Variants in PCDHA11 observed in about 807,000 individuals in gnomAD.
PCDHA11 encodes the protein protocadherin alpha 11.
In PCDHA11, 61 loss-of-function variants were observed where a neutral mutation model predicts 70.3. The ratio of observed to expected loss-of-function variants is 0.87; its 90% CI spans 0.71 to 1.07. The LOEUF is 1.07. Ranked by LOEUF, PCDHA11 falls within the 50% of genes least tolerant of loss-of-function variation. PCDHA11 has a pLI of 0.00. For missense variants in PCDHA11, 1,324 were observed against 1,237.5 expected, an observed-to-expected ratio of 1.07 and a Z score of -1.05; for synonymous variants, 633 against 555.1, an observed-to-expected ratio of 1.14 and a Z score of -1.97.
chr5:140,993,342 C>T (rs1554253606), intron 3 of PCDHA11, among the ~76,000 whole-genome samples: 1 of 151,994 alleles, frequency 6.6e-6, no homozygotes, highest in African/African-American at 2.4e-5. Flanking sequence ...TTGAAGGGCA[C>T]TACGAAGATC....
chr5:140,884,319 C>T lies in PCDHA11; in HGVS notation c.2391+12825C>T. ...CCACAGGCTTCGTCGAGGGCGTCGG[C>T]AGGCGCTGTGGGTCCAGAAGCGGCG... On this transcript the variant is annotated intron_variant, in intron 1 of 3. Transcript: ENST00000398640. 6.2e-7 allele frequency: 1 copy of T among 1,613,800 alleles called. No homozygotes were observed. The highest frequency in any genetic ancestry group is 8.5e-7 in the Non-Finnish European group (1 of 1,179,860).
chr5:141,000,163 A>G (rs2097894710), intron 3 of PCDHA11, among the ~76,000 whole-genome samples: 1 of 152,054 alleles, frequency 6.6e-6, no homozygotes, highest in African/African-American at 2.4e-5. Context: ...AAACTATTTG[A>G]TTATTGAGCC....
intron 1 of PCDHA11, chr5:140,927,691 G>C (rs782046420): frequency 6.2e-7 from 1 of 1,614,072 alleles, no homozygotes; most frequent in African/African-American, 1.3e-5. Flanking sequence ...GTCCAATGGG[G>C]AAGTCCAGTA....
intron 1 of PCDHA11, among the ~76,000 whole-genome samples, chr5:140,960,655 T>C (rs2153725891): frequency 6.6e-6 from 1 of 152,296 alleles, no homozygotes; most frequent in East Asian, 1.9e-4. Context: ...TCCAAATCAA[T>C]GAATGCTTTG....
At chr5:140,968,657 G>C in intron 1 of PCDHA11, 1 of 1,614,142 alleles carries the variant, frequency 6.2e-7, no homozygotes, top group Non-Finnish European at 8.5e-7. Context: ...TTCTGACCTG[G>C]ACCTCTTTAA....
At chr5:140,871,840 C>G (rs1214510248) in intron 1 of PCDHA11, among the ~76,000 whole-genome samples, 1 of 152,256 alleles carries the variant, frequency 6.6e-6, no homozygotes, top group Admixed American at 6.5e-5. Context: ...CTCTAAACTT[C>G]AATTATGACC....
At chr5:141,003,680 T>C (rs1167133667) in intron 3 of PCDHA11, among the ~76,000 whole-genome samples, 1 of 152,198 alleles carries the variant, frequency 6.6e-6, no homozygotes, top group African/African-American at 2.4e-5. Flanking sequence ...GTTGTTCTGA[T>C]TTTAAAATAT....
At chr5:140,914,016 G>A (rs1344982730) in intron 1 of PCDHA11, among the ~76,000 whole-genome samples, 2 of 152,140 alleles carry the variant, frequency 1.3e-5, no homozygotes, top group Non-Finnish European at 2.9e-5. Flanking sequence ...CTTTGAGAAT[G>A]ATCCACGTGC....
intron 1 of PCDHA11, chr5:140,884,758 C>A (rs1582804628): frequency 2.1e-6 from 3 of 1,424,736 alleles, no homozygotes; most frequent in East Asian, 2.5e-5. Context: ...TCAAATTATT[C>A]TTTACTTTAA....
chr5:140,875,767 A>G, intron 1 of PCDHA11: 1 of 1,614,144 alleles, frequency 6.2e-7, no homozygotes, highest in Non-Finnish European at 8.5e-7. Context: ...GTGCGGGCGG[A>G]GCGCGGAGTG....
At chr5:141,006,192 G>A (rs2098259902) in intron 3 of PCDHA11, among the ~76,000 whole-genome samples, 1 of 150,138 alleles carries the variant, frequency 6.7e-6, no homozygotes, top group African/African-American at 2.5e-5. Context: ...TTTGCTATAT[G>A]TATGTTATGC....
chr5:140,960,331 A>G (rs1157705398), intron 1 of PCDHA11, among the ~76,000 whole-genome samples: 1 of 152,230 alleles, frequency 6.6e-6, no homozygotes, highest in African/African-American at 2.4e-5. Flanking sequence ...TGTGAGAAGT[A>G]CATGAGGTGA....
intron 1 of PCDHA11, among the ~76,000 whole-genome samples, chr5:140,915,155 G>T (rs941034401): frequency 1.3e-5 from 2 of 151,934 alleles, no homozygotes; most frequent in Non-Finnish European, 2.9e-5. Flanking sequence ...CACCATGTTG[G>T]CCAGGATAGT....
intron 1 of PCDHA11, among the ~76,000 whole-genome samples, chr5:140,938,194 C>T (rs782229712): frequency 5.9e-5 from 9 of 152,206 alleles, no homozygotes; most frequent in South Asian, 2.1e-4. Context: ...AATCCTCCCA[C>T]GCCAGCCTCC....
chr5:140,965,238 A>G (rs540671197), intron 1 of PCDHA11, among the ~76,000 whole-genome samples: 3 of 152,196 alleles, frequency 2.0e-5, no homozygotes, highest in Non-Finnish European at 2.9e-5. Context: ...ACCTGGGAAG[A>G]GTGAATATTC....
chr5:140,876,961 C>G (rs782051302), intron 1 of PCDHA11: 16 of 1,613,036 alleles, frequency 9.9e-6, no homozygotes, highest in South Asian at 8.8e-5. Context: ...GCTGGTGGAG[C>G]GGCGGGTGGG....
intron 1 of PCDHA11, among the ~76,000 whole-genome samples, chr5:140,924,902 AAAAT>A (rs1239542905): frequency 0.13 from 4,984 of 38,732 alleles, 244 homozygotes; most frequent in African/African-American, 0.34. Flanking sequence ...CTCAAAAAAA[AAAAT>A]AAAATAAAAT....
chr5:140,945,182 A>G (rs2093754559), intron 1 of PCDHA11, among the ~76,000 whole-genome samples: 1 of 152,174 alleles, frequency 6.6e-6, no homozygotes, highest in Non-Finnish European at 1.5e-5. Context: ...ATAAATCAAG[A>G]AAACCATGCT....
chr5:140,885,044 T>G (rs187504984), intron 1 of PCDHA11, among the ~76,000 whole-genome samples: 1 of 152,360 alleles, frequency 6.6e-6, no homozygotes, highest in African/African-American at 2.4e-5. Context: ...TTTAGTTTAA[T>G]GTATACATAT....
Sources: allele counts gnomAD v4.1 joint callset (sites outside exome capture counted in the v4.1 genomes callset), GRCh38; gene constraint gnomAD v4.1.1; transcripts MANE v1.5; gene names NCBI Gene and HGNC (gene_info 2026-07-23, HGNC 2026-07-21).